The following GABRA5 variants were observed in gnomAD, a reference collection of about 807,000 sequenced individuals.
The protein encoded by GABRA5 is gamma-aminobutyric acid receptor subunit alpha-5.
A neutral mutation model predicts 47.3 loss-of-function variants in GABRA5; 18 were observed. That is an observed-to-expected ratio of 0.38 (90% confidence interval 0.26 to 0.56). The LOEUF (loss-of-function observed/expected upper bound fraction) is 0.56, where lower values mean the gene tolerates loss of function less well. Among genes scored for constraint, GABRA5 ranks in the 20% least tolerant of loss-of-function variants. GABRA5 has a pLI of 0.71. For synonymous variants in GABRA5, 237 were observed against 229.3 expected, an observed-to-expected ratio of 1.03 and a Z score of -0.30; for missense variants, 365 against 599.3, an observed-to-expected ratio of 0.61 and a Z score of 4.08.
At chr15:26,888,371 T>C (rs1892929085) in intron 6 of GABRA5, among the ~76,000 whole-genome samples, 3 of 152,238 alleles carry the variant, frequency 2.0e-5, no homozygotes, top group Admixed American at 2.0e-4. Context: ...TACAGAACCA[T>C]GCCCAGAATT....
At chr15:26,934,610 C>T (rs1328840064) in intron 7 of GABRA5, among the ~76,000 whole-genome samples, 4 of 152,028 alleles carry the variant, frequency 2.6e-5, no homozygotes, top group African/African-American at 7.3e-5. Flanking sequence ...GCTAAATACT[C>T]GACATTCACA....
intron 9 of GABRA5, among the ~76,000 whole-genome samples, chr15:26,941,053 G>T (rs781295521): frequency 2.0e-5 from 3 of 152,204 alleles, no homozygotes; most frequent in Non-Finnish European, 2.9e-5. Flanking sequence ...GGTGTAGGCT[G>T]ATCAAGAGCA....
At chr15:26,926,134 C>T (rs954023908) in intron 7 of GABRA5, among the ~76,000 whole-genome samples, 7 of 152,238 alleles carry the variant, frequency 4.6e-5, no homozygotes, top group Admixed American at 2.6e-4. Context: ...TGCCTTGCAG[C>T]GCTGACCCAC....
At chr15:26,870,963 G>A (rs542724395) in intron 3 of GABRA5, among the ~76,000 whole-genome samples, 1 of 152,180 alleles carries the variant, frequency 6.6e-6, no homozygotes, top group Non-Finnish European at 1.5e-5. Context: ...AGGCCAAGCG[G>A]GGGGCGGATC....
chr15:26,866,883 G>C (rs928610319), upstream of GABRA5: 1 of 152,274 alleles, frequency 6.6e-6, no homozygotes, highest in African/African-American at 2.4e-5. Flanking sequence ...TGCTCTACAA[G>C]CGGGCGGTGG....
At chr15:26,921,104 T>C (rs994034483) in intron 7 of GABRA5, among the ~76,000 whole-genome samples, 27 of 152,298 alleles carry the variant, frequency 1.8e-4, no homozygotes, top group African/African-American at 5.5e-4. Context: ...TTTTTTATAA[T>C]ATCTTTTGTT....
intron 3 of GABRA5, among the ~76,000 whole-genome samples, chr15:26,872,383 C>T (rs924370115): frequency 1.3e-5 from 2 of 152,148 alleles, no homozygotes; most frequent in African/African-American, 2.4e-5. Context: ...AGTCCTTACT[C>T]GGAGCTTCCT....
chr15:26,896,569 A>G (rs1893198229), intron 6 of GABRA5, among the ~76,000 whole-genome samples: 1 of 152,200 alleles, frequency 6.6e-6, no homozygotes, highest in South Asian at 2.1e-4. Flanking sequence ...TTTTAATTTA[A>G]CCAGGTCCAT....
At chr15:26,898,149 A>G (rs986537163) in intron 6 of GABRA5, among the ~76,000 whole-genome samples, 1 of 152,218 alleles carries the variant, frequency 6.6e-6, no homozygotes, top group Non-Finnish European at 1.5e-5. Flanking sequence ...ACTTTCTTAG[A>G]AATTGAGAAG....
At chr15:26,887,988 T>A (rs1892919755) in intron 6 of GABRA5, among the ~76,000 whole-genome samples, 1 of 152,210 alleles carries the variant, frequency 6.6e-6, no homozygotes, top group Non-Finnish European at 1.5e-5. Context: ...TAAGATTTTT[T>A]AATGGGAAAT....
intron 6 of GABRA5, among the ~76,000 whole-genome samples, chr15:26,898,424 C>G (rs1200798386): frequency 6.6e-6 from 1 of 152,192 alleles, no homozygotes; most frequent in East Asian, 1.9e-4. Flanking sequence ...GTGGTGCCAT[C>G]ATTTGAAAGA....
chr15:26,918,766 C>T (rs1209051833), intron 7 of GABRA5, among the ~76,000 whole-genome samples: 1 of 152,076 alleles, frequency 6.6e-6, no homozygotes, highest in Non-Finnish European at 1.5e-5. Context: ...ATATAGCCAT[C>T]CCTGCTCTCT....
intron 3 of GABRA5, among the ~76,000 whole-genome samples, chr15:26,878,543 G>T (rs919351302): frequency 6.6e-6 from 1 of 152,016 alleles, no homozygotes; most frequent in African/African-American, 2.4e-5. Flanking sequence ...CTCCTACCCC[G>T]ATAGGCATCA....
At chr15:26,942,462 T>G (rs570303449) in intron 9 of GABRA5, among the ~76,000 whole-genome samples, 1 of 152,352 alleles carries the variant, frequency 6.6e-6, no homozygotes, top group African/African-American at 2.4e-5. Context: ...CTTACAAGTC[T>G]GCAGTCGGGT....
At chr15:26,878,416 C>T (rs1238102600) in intron 3 of GABRA5, among the ~76,000 whole-genome samples, 4 of 152,066 alleles carry the variant, frequency 2.6e-5, no homozygotes, top group South Asian at 2.1e-4. Flanking sequence ...GCTGTGAAAG[C>T]GGTGTATTTC....
At chr15:26,938,071 A>C (rs1894290201) in intron 8 of GABRA5, among the ~76,000 whole-genome samples, 1 of 152,212 alleles carries the variant, frequency 6.6e-6, no homozygotes, top group Non-Finnish European at 1.5e-5. Context: ...TAAGCCCCAG[A>C]GGATATTTTC....
In GABRA5 at chr15:26,867,128, G is replaced by C. The variant is rs888329567; in HGVS notation, c.-140+17G>C. The C allele has an allele frequency of 6.6e-6, 1 of 151,368 alleles. No homozygotes were observed. The allele number at this position is 151,368 out of a possible 1,614,324, so 9.4% of individuals were successfully genotyped here. A position where few individuals can be genotyped will look rare whatever the true frequency, so the allele number is the denominator to read the frequency against. ...TCGGGCGAGGTGAGAGCGGGCGCGA[G>C]TGCGCCGGGGGCGCTGGGGGGCTCT... On this transcript the variant is annotated intron_variant, in intron 1 of 10. Transcript: ENST00000335625. This position sits in a 1 kb window ranked among gnomAD's most constrained non-coding sequence, Gnocchi z 5.9.
intron 7 of GABRA5, among the ~76,000 whole-genome samples, chr15:26,930,016 T>TGTTTTTTG: frequency 7.8e-6 from 1 of 128,470 alleles, no homozygotes; most frequent in East Asian, 2.3e-4. Flanking sequence ...CTTTTTTTTT[T>TGTTTTTTG]TTTTTTGTTT....
chr15:26,906,246 T>C (rs958789188), intron 6 of GABRA5, among the ~76,000 whole-genome samples: 6 of 152,198 alleles, frequency 3.9e-5, no homozygotes, highest in African/African-American at 9.6e-5. Flanking sequence ...CCTTAGTTCA[T>C]TGGTCAACTA....
Sources: allele counts gnomAD v4.1 joint callset (sites outside exome capture counted in the v4.1 genomes callset), GRCh38; gene constraint gnomAD v4.1.1; non-coding constraint Gnocchi (gnomAD v3.1); transcripts MANE v1.5; gene names NCBI Gene and HGNC (gene_info 2026-07-23, HGNC 2026-07-21).